The following PALLD variants were observed in gnomAD, a reference collection of about 807,000 sequenced individuals.
PALLD encodes palladin.
PALLD carries 61 observed loss-of-function variants against 123.5 expected under a neutral mutation model. That is an observed-to-expected ratio of 0.49 (90% confidence interval 0.40 to 0.61). PALLD has a LOEUF of 0.61. Among genes scored for constraint, PALLD ranks in the 20% least tolerant of loss-of-function variants. PALLD has a pLI of 0.00. For synonymous variants in PALLD, 465 were observed against 496.4 expected (o/e 0.94, Z 0.84); for missense variants, 1,273 against 1,377.0 (o/e 0.92, Z 1.20).
At chr4:168,882,751 T>G (rs1294958978) in intron 10 of PALLD, among the ~76,000 whole-genome samples, 1 of 152,174 alleles carries the variant, frequency 6.6e-6, no homozygotes, top group Non-Finnish European at 1.5e-5. Flanking sequence ...CAGGATCTGC[T>G]GCGACTGGGT....
At chr4:168,741,405 G>T (rs1788323008) in intron 10 of PALLD, among the ~76,000 whole-genome samples, 1 of 152,082 alleles carries the variant, frequency 6.6e-6, no homozygotes, top group Non-Finnish European at 1.5e-5. Context: ...GCTGGGCGTG[G>T]TGGCTCACGC....
intron 10 of PALLD, among the ~76,000 whole-genome samples, chr4:168,739,481 T>A (rs1414202949): frequency 6.6e-6 from 1 of 152,044 alleles, no homozygotes; most frequent in Non-Finnish European, 1.5e-5. Flanking sequence ...TTAGAAAAAA[T>A]AAGTTCTAAT....
At chr4:168,680,036 A>T (rs1781386025) in intron 3 of PALLD, among the ~76,000 whole-genome samples, 1 of 152,190 alleles carries the variant, frequency 6.6e-6, no homozygotes, top group Non-Finnish European at 1.5e-5. Flanking sequence ...ACTGGAAGGA[A>T]TACCAGGCAG....
chr4:168,631,568 G>A (rs928909345), intron 2 of PALLD: 14 of 980,534 alleles, frequency 1.4e-5, no homozygotes, highest in African/African-American at 1.7e-5. Context: ...CAGCAGCCCG[G>A]CACTCCGACA....
chr4:168,824,485 T>C (rs1327855327), intron 10 of PALLD, among the ~76,000 whole-genome samples: 2 of 152,186 alleles, frequency 1.3e-5, no homozygotes, highest in Admixed American at 1.3e-4. Context: ...CAAAGTTTAA[T>C]TTGAAACATC....
chr4:168,588,315 G>A (rs1012498960), intron 2 of PALLD, among the ~76,000 whole-genome samples: 42 of 152,218 alleles, frequency 2.8e-4, no homozygotes, highest in African/African-American at 9.9e-4. Context: ...TTGGGAAAGA[G>A]AGGAGCACCT....
intron 17 of PALLD, among the ~76,000 whole-genome samples, chr4:168,917,736 C>CTTAGGATCATTATTTATTTTT (rs1760486904): frequency 6.6e-6 from 1 of 151,896 alleles, no homozygotes; most frequent in South Asian, 2.1e-4. Context: ...TATTTTATTT[C>CTTAGGATCATTATTTATTTTT]TTAGGATCAT....
At chr4:168,748,509 A>C (rs1453487572) in intron 10 of PALLD, among the ~76,000 whole-genome samples, 2 of 152,204 alleles carry the variant, frequency 1.3e-5, no homozygotes, top group African/African-American at 4.8e-5. Flanking sequence ...TGTATAACAG[A>C]TTACCATGAA....
At chr4:168,633,489 A>G (rs1361179880) in intron 2 of PALLD, among the ~76,000 whole-genome samples, 2 of 152,216 alleles carry the variant, frequency 1.3e-5, no homozygotes, top group Admixed American at 6.5e-5. Context: ...TATAGCTACT[A>G]TATAATTTTT....
intron 8 of PALLD, among the ~76,000 whole-genome samples, chr4:168,698,761 G>C (rs1783400702): frequency 6.6e-6 from 1 of 151,968 alleles, no homozygotes; most frequent in Non-Finnish European, 1.5e-5. Flanking sequence ...ACAGTGACAA[G>C]GTTACTTTTT....
intron 3 of PALLD, among the ~76,000 whole-genome samples, chr4:168,668,788 AT>A (rs1354955083): frequency 6.6e-6 from 1 of 152,188 alleles, no homozygotes; most frequent in African/African-American, 2.4e-5. Context: ...AAATTCTAGA[AT>A]TTTGTCTCTT....
rs376732578 is a variant in PALLD at position 168,511,733 on chromosome 4, G to C, written c.229G>C (p.Glu77Gln). The change falls in exon 2 of 22, where the codon GAA (glutamate) becomes CAA (glutamine). Residue 77 changes from glutamate (E) to glutamine (Q), a missense_variant. Physicochemically the swap from Glu to Gln is conservative, Grantham distance 29. Transcript: ENST00000505667. ...CAGTACTTCTCCTGCAAGCCTCTGT[G>C]AACATCCTTCCCATAAGGAGACCAA... ...IFSTSPASLC[E>Q]HPSHKETKLG... The C allele has an allele frequency of 3.1e-5, 50 of 1,614,048 alleles. No individual in the cohort carries two copies. The Middle Eastern group carries it at 8.2e-4, about 27-fold the overall frequency.
intron 16 of PALLD, 28 bp from the exon 17 acceptor site, chr4:168,915,867 A>C (rs1164244089): frequency 6.3e-7 from 1 of 1,590,342 alleles, no homozygotes; most frequent in Non-Finnish European, 8.6e-7. Flanking sequence ...CTATATTTCT[A>C]TCTATCTGTC....
chr4:168,714,711 G>A (rs1313270245), intron 10 of PALLD, among the ~76,000 whole-genome samples: 1 of 152,128 alleles, frequency 6.6e-6, no homozygotes, highest in East Asian at 1.9e-4. Context: ...GGCAGTTTGT[G>A]CATCTCCATC....
At chr4:168,582,347 G>T (rs1332193827) in intron 2 of PALLD, among the ~76,000 whole-genome samples, 1 of 152,064 alleles carries the variant, frequency 6.6e-6, no homozygotes, top group Non-Finnish European at 1.5e-5. Flanking sequence ...TACTGAATTT[G>T]TTTATCAGAT....
At chr4:168,715,875 G>A (rs1425965117) in intron 10 of PALLD, among the ~76,000 whole-genome samples, 10 of 152,058 alleles carry the variant, frequency 6.6e-5, no homozygotes, top group Non-Finnish European at 1.3e-4. Context: ...GCGTGAACCC[G>A]GAGGGCGGAG....
chr4:168,508,998 GGTACTGGGTGTCCTTGCAATAGACAC>G (rs1561188328), intron 1 of PALLD, among the ~76,000 whole-genome samples: 1 of 152,136 alleles, frequency 6.6e-6, no homozygotes, highest in Non-Finnish European at 1.5e-5. Context: ...TATACAAAAT[GGTACTGGGTGTCCTTGCAATAGACAC>G]CCAGTACCAT....
At chr4:168,886,649 G>GA (rs1386727522) in intron 10 of PALLD, among the ~76,000 whole-genome samples, 1 of 151,776 alleles carries the variant, frequency 6.6e-6, no homozygotes, top group Non-Finnish European at 1.5e-5. Flanking sequence ...TCTATAAAAA[G>GA]AAAAAACATA....
intron 18 of PALLD, among the ~76,000 whole-genome samples, chr4:168,923,586 C>CT (rs11403394): frequency 0.68 from 101,536 of 149,112 alleles, 35,564 homozygotes; most frequent in East Asian, 0.95. Flanking sequence ...CTAAAGTTGT[C>CT]TTTTTTTTTT....
Sources: allele counts gnomAD v4.1 joint callset (sites outside exome capture counted in the v4.1 genomes callset), GRCh38; gene constraint gnomAD v4.1.1; transcripts MANE v1.5; gene names NCBI Gene and HGNC (gene_info 2026-07-23, HGNC 2026-07-21).